CCDC187: variants seen among roughly 807,000 people sequenced by gnomAD.
The protein encoded by CCDC187 is coiled-coil domain containing 187.
In CCDC187, 32 loss-of-function variants were observed where a neutral mutation model predicts 38.0. The ratio of observed to expected loss-of-function variants is 0.84; its 90% CI spans 0.64 to 1.13. The LOEUF (loss-of-function observed/expected upper bound fraction) is 1.13. Ranked by LOEUF, CCDC187 falls within the 50% of genes most tolerant of loss-of-function variation. The pLI, the probability that CCDC187 is intolerant of heterozygous loss-of-function variation, is 0.00. For missense variants in CCDC187, 707 were observed against 786.8 expected (o/e 0.90, Z 1.21); for synonymous variants, 333 against 347.9 (o/e 0.96, Z 0.48).
rs1291618665 is a variant in CCDC187 at position 136,260,297 on chromosome 9, C to T, written c.4065-33G>A. 9 of 984,768 alleles carry T rather than the reference C, an allele frequency of 9.1e-6. No homozygotes were observed. In the South Asian group the frequency reaches 2.4e-4, roughly 26 times the overall value. The allele number at this position is 984,768 out of a possible 1,614,324, so 61.0% of individuals were successfully genotyped here. ...GCCATGCAGAGTGGAGGTGACCGCCCGCCCGGCTGCCCCTTCCCAGGTGTC... is the reference window on the plus strand; with the variant it reads ...GCCATGCAGAGTGGAGGTGACCGCCTGCCCGGCTGCCCCTTCCCAGGTGTC... On this transcript the variant is annotated intron_variant, in intron 19 of 25. Transcript: ENST00000638797.
In CCDC187 at chr9:136,254,689, G is replaced by T. The variant is rs1229762113; in HGVS notation, c.5139C>A (p.Gly1713=). The change falls in exon 26 of 26, where the codon GGC becomes GGA. Residue 1713 remains glycine (G), a synonymous_variant. Coordinates refer to ENST00000638797, the MANE Select transcript of CCDC187 (RefSeq NM_001378188.1). ...TWQRPQGRRA[G]PLRGSSLDTA... ...TGTCCAAGGAGGAGCCACGCAGGGG[G>T]CCGGCCCTGCGGCCCTGGGGCCTCT... 1 of 985,396 alleles carries T rather than the reference G, an allele frequency of 1.0e-6. No homozygotes were observed. Among genetic ancestry groups the T allele is most frequent in the Non-Finnish European group, 1.2e-6 (1 of 829,988 alleles). 61.0% of individuals were successfully genotyped at this position (985,396 alleles called of 1,614,324 possible).
At position 136,264,506 on chromosome 9, in the gene CCDC187, G is replaced by A. The variant is rs116694697; in HGVS notation, c.3736-708C>T. On this transcript the variant is annotated intron_variant, in intron 17 of 25. Transcript: ENST00000638797. The surrounding 1 kb of genome is among the most constrained non-coding windows in gnomAD (Gnocchi z 4.3). Reference sequence around the variant, plus strand: ...AGCCCCTTTTGTTTCCCCGGCTCACGTTGTTCTCTGTGGTGCCTGCCTTTT... The same window carrying A: ...AGCCCCTTTTGTTTCCCCGGCTCACATTGTTCTCTGTGGTGCCTGCCTTTT... Among the ~76,000 whole-genome samples the A allele has an allele frequency of 5.0e-3, 759 of 152,254 alleles. 7 individuals are homozygous for A. Among genetic ancestry groups the A allele is most frequent in the African/African-American group, 0.017 (716 of 41,552 alleles).
chr9:136,269,803 G>A (rs1830809518), intron 14 of CCDC187, among the ~76,000 whole-genome samples: 1 of 152,322 alleles, frequency 6.6e-6, no homozygotes, highest in Non-Finnish European at 1.5e-5. Flanking sequence ...CAGGCTTGAC[G>A]TGGGTGTGAG....
At chr9:136,298,512 G>T (rs1255478728) in intron 3 of CCDC187, among the ~76,000 whole-genome samples, 2 of 152,204 alleles carry the variant, frequency 1.3e-5, no homozygotes, top group African/African-American at 4.8e-5. Flanking sequence ...AGCTGGGGTG[G>T]GGGAGTATCT....
intron 14 of CCDC187, 111 bp from the exon 15 acceptor site, chr9:136,268,236 T>C (rs1554761934): frequency 6.7e-6 from 4 of 593,206 alleles, no homozygotes; most frequent in East Asian, 1.4e-4. Context: ...GGCAGTTTAG[T>C]GTCCCCATCC....
At chr9:136,284,802 C>T (rs918105330) in intron 9 of CCDC187, among the ~76,000 whole-genome samples, 3 of 152,106 alleles carry the variant, frequency 2.0e-5, no homozygotes, top group Non-Finnish European at 4.4e-5. Context: ...GCCACAGCTG[C>T]TGCTGAGGCT....
intron 6 of CCDC187, among the ~76,000 whole-genome samples, 171 bp downstream of exon 6, chr9:136,290,315 T>A (rs74204453): frequency 3.1e-4 from 47 of 151,872 alleles, no homozygotes; most frequent in African/African-American, 1.1e-3. Context: ...CCACAGAAGC[T>A]CTGGCTTTCT....
Position 136,253,746 on chromosome 9 carries a change from T to A in CCDC187, c.6082A>T (p.Thr2028Ser). 2.0e-6 allele frequency: 2 copies of A among 985,498 alleles called. No individual in the cohort carries two copies. The highest frequency in any genetic ancestry group is 1.2e-6 in the Non-Finnish European group (1 of 829,980). The allele number at this position is 985,498 out of a possible 1,614,324, so 61.0% of individuals were successfully genotyped here. A position where few individuals can be genotyped will look rare whatever the true frequency, so the allele number is the denominator to read the frequency against. Residue 2028 changes from threonine (T) to serine (S), a missense_variant, in exon 26 of 26, where the codon ACC (threonine) becomes TCC (serine). Transcript: ENST00000638797. ...GGGAAGGCATCCGAGCATGGGTTGG[T>A]GTCTTCACCATCACTCTGTGCTTGG... ...TPQAQSDGED[T>S]NPCSDAFPSP...
chr9:136,270,169 T>G (rs1384688814), intron 14 of CCDC187, among the ~76,000 whole-genome samples: 1 of 152,196 alleles, frequency 6.6e-6, no homozygotes, highest in Non-Finnish European at 1.5e-5. Flanking sequence ...GTTCTCCCCA[T>G]GTGCGGAGAT....
At chr9:136,289,875 G>A in intron 7 of CCDC187, 84 bp downstream of exon 7, 1 of 395,218 alleles carries the variant, frequency 2.5e-6, no homozygotes, top group Non-Finnish European at 4.5e-6. Context: ...AATGTCACGA[G>A]GGCCCCAGAA....
At chr9:136,259,523 G>T in intron 20 of CCDC187, 75 bp from the exon 21 acceptor site, 1 of 704,384 alleles carries the variant, frequency 1.4e-6, no homozygotes, top group Non-Finnish European at 1.7e-6. Context: ...GGAGGCAGGG[G>T]CAGAATGGAG....
chr9:136,257,208 A>G lies in CCDC187; in HGVS notation c.4367-367T>C, dbSNP rs1830623330. Among the ~76,000 whole-genome samples, 2 of 152,162 alleles carry G rather than the reference A, an allele frequency of 1.3e-5. No individual in the cohort carries two copies. The highest frequency in any genetic ancestry group is 4.8e-5 in the African/African-American group (2 of 41,442). The stretch of plus-strand genomic sequence containing the variant: ...GCCAATGTAGTGAAACCCCGTCTCT[A>G]CTAAAAATACAAAAATTAGGCGGGC... On this transcript the variant is annotated intron_variant, in intron 22 of 25. Coordinates refer to ENST00000638797, the MANE Select transcript of CCDC187 (RefSeq NM_001378188.1). The surrounding 1 kb of genome is among the most constrained non-coding windows in gnomAD (Gnocchi z 4.5).
chr9:136,290,293 C>T (rs1831287587), intron 6 of CCDC187, among the ~76,000 whole-genome samples, 193 bp downstream of exon 6: 1 of 150,214 alleles, frequency 6.7e-6, no homozygotes, highest in Non-Finnish European at 1.5e-5. Flanking sequence ...AGGGCCTCCC[C>T]CAGGGAGGCA....
chr9:136,261,133 G>A (rs1830673879), intron 19 of CCDC187, among the ~76,000 whole-genome samples: 1 of 152,018 alleles, frequency 6.6e-6, no homozygotes, highest in Non-Finnish European at 1.5e-5. Flanking sequence ...AGCTCCATCT[G>A]CTCTGTCCAG....
chr9:136,280,238 T>C (rs1238475933), intron 10 of CCDC187, among the ~76,000 whole-genome samples: 2 of 152,268 alleles, frequency 1.3e-5, no homozygotes, highest in Non-Finnish European at 2.9e-5. Context: ...CTTGCTCATC[T>C]TCTTACTGCC....
Position 136,250,219 on chromosome 9 carries a change from C to A in CCDC187, c.*3375G>T, listed in dbSNP as rs1158395170. ...TGACGGCTCCGGCCCCCTCCAGGGC[C>A]GCTGTCCTTGGAAGCCCTGGCCCGG... On this transcript the variant is annotated 3_prime_UTR_variant, in exon 26 of 26. Transcript: ENST00000638797. 6.1e-6 allele frequency: 1 copy of A among 164,906 alleles called. No homozygotes were observed. The highest frequency in any genetic ancestry group is 1.3e-5 in the Non-Finnish European group (1 of 74,858). The allele number at this position is 164,906 out of a possible 1,614,324, so 10.2% of individuals were successfully genotyped here.
chr9:136,263,295 C>T (rs1372555034), intron 18 of CCDC187, among the ~76,000 whole-genome samples: 1 of 141,750 alleles, frequency 7.1e-6, no homozygotes, highest in Non-Finnish European at 1.5e-5. Context: ...AGTGCAGTGG[C>T]ATATCTCGGC....
intron 4 of CCDC187, among the ~76,000 whole-genome samples, chr9:136,293,781 C>G (rs1831446741): frequency 6.6e-6 from 1 of 152,114 alleles, no homozygotes; most frequent in Non-Finnish European, 1.5e-5. Flanking sequence ...CACACACGGT[C>G]TCATCCTCAC....
Position 136,254,321 on chromosome 9 carries a change from G to T in CCDC187, c.5507C>A (p.Pro1836Gln), listed in dbSNP as rs1015790856. Reference protein sequence around the residue: ...RSGMEPQVALPSPWPGEGLEA... With the variant: ...RSGMEPQVALQSPWPGEGLEA... ...CAGCCCCTCCCCAGGCCATGGGGAC[G>T]GAAGAGCCACCTGGGGCTCCATGCC... Residue 1836 changes from proline to glutamine, a missense_variant, in exon 26 of 26, where the codon CCG (proline) becomes CAG (glutamine). Physicochemically the swap from Pro to Gln is moderately conservative, Grantham distance 76. Transcript: ENST00000638797. 3.1e-6 allele frequency: 3 copies of T among 978,094 alleles called. No individual in the cohort carries two copies. The highest frequency in any genetic ancestry group is 3.6e-6 in the Non-Finnish European group (3 of 823,572). 60.6% of individuals were successfully genotyped at this position (978,094 alleles called of 1,614,324 possible).
Sources: gnomAD v4.1 joint callset for allele counts (sites outside exome capture counted in the v4.1 genomes callset) on GRCh38, gnomAD v4.1.1 for gene constraint, Gnocchi (gnomAD v3.1) non-coding constraint, MANE v1.5 for transcripts, NCBI Gene and HGNC (gene_info 2026-07-23, HGNC 2026-07-21) for gene names.